Variants in WDR49 observed in about 807,000 individuals in gnomAD.
WDR49 encodes the protein WD repeat domain 49, also known as cilia- and flagella-associated protein 337.
WDR49 carries 107 observed loss-of-function variants against 119.5 expected under a neutral mutation model. That is an observed-to-expected ratio of 0.90 (90% CI 0.77 to 1.05). The LOEUF is 1.05. Among genes scored for constraint, WDR49 ranks in the 50% least tolerant of loss-of-function variants. The pLI, the probability that WDR49 is intolerant of heterozygous loss-of-function variation, is 0.00. For missense variants in WDR49, 1,240 were observed against 1,220.5 expected, an observed-to-expected ratio of 1.02 and a Z score of -0.24; for synonymous variants, 425 against 418.8, an observed-to-expected ratio of 1.01 and a Z score of -0.18.
At chr3:167,563,598 ATTTG>A (rs961089247) in intron 8 of WDR49, among the ~76,000 whole-genome samples, 10 of 151,854 alleles carry the variant, frequency 6.6e-5, no homozygotes, top group Non-Finnish European at 8.8e-5. Flanking sequence ...GGATTGATTG[ATTTG>A]TTTGTTTTTA....
chr3:167,583,015 G>C (rs1383242969), intron 7 of WDR49, among the ~76,000 whole-genome samples: 2 of 151,530 alleles, frequency 1.3e-5, no homozygotes, highest in Non-Finnish European at 1.5e-5. Context: ...GAGAGAGAGA[G>C]AGAAAAACAA....
At chr3:167,656,142 A>G (rs1425793143), upstream of WDR49, among the ~76,000 whole-genome samples, 1 of 151,180 alleles carries the variant, frequency 6.6e-6, no homozygotes, top group Non-Finnish European at 1.5e-5. Flanking sequence ...AGATGTGTAT[A>G]TATGTATTGA....
upstream of WDR49, among the ~76,000 whole-genome samples, chr3:167,655,684 G>C (rs1236421785): frequency 6.6e-6 from 1 of 152,146 alleles, no homozygotes; most frequent in Admixed American, 6.5e-5. Context: ...GATCACTTGA[G>C]GTCAGGAGTT....
intron 10 of WDR49, among the ~76,000 whole-genome samples, chr3:167,546,768 C>T (rs1322753224): frequency 6.6e-6 from 1 of 151,352 alleles, no homozygotes; most frequent in East Asian, 1.9e-4. Context: ...ACTTTTTAAC[C>T]CAAACTTATC....
chr3:167,627,898 C>CT (rs1409577771), intron 2 of WDR49, among the ~76,000 whole-genome samples: 1 of 152,082 alleles, frequency 6.6e-6, no homozygotes, highest in African/African-American at 2.4e-5. Flanking sequence ...CCTTGCAAGT[C>CT]TATCAGTGCC....
chr3:167,541,954 C>G (rs1021845736), intron 10 of WDR49, among the ~76,000 whole-genome samples: 3 of 151,494 alleles, frequency 2.0e-5, no homozygotes, highest in Admixed American at 6.6e-5. Context: ...AAAAGACAAA[C>G]AAGAGCTTGC....
chr3:167,609,554 A>G (rs1379357649), intron 5 of WDR49, among the ~76,000 whole-genome samples: 6 of 152,154 alleles, frequency 3.9e-5, no homozygotes, highest in African/African-American at 1.4e-4. Context: ...AGTAAACCTC[A>G]CCACTGAGGG....
At chr3:167,557,354 A>G (rs562949789) in intron 9 of WDR49, among the ~76,000 whole-genome samples, 17 of 152,274 alleles carry the variant, frequency 1.1e-4, no homozygotes, top group Admixed American at 1.0e-3. Flanking sequence ...AAAATGACAT[A>G]TTTTCAAGCA....
intron 10 of WDR49, among the ~76,000 whole-genome samples, chr3:167,544,047 C>T (rs1000471461): frequency 1.3e-5 from 2 of 149,736 alleles, no homozygotes; most frequent in Non-Finnish European, 3.0e-5. Context: ...AAGAACTCAA[C>T]CCCTTTTAAG....
intron 16 of WDR49, among the ~76,000 whole-genome samples, chr3:167,519,231 C>T (rs1325002420): frequency 1.3e-5 from 2 of 151,878 alleles, no homozygotes; most frequent in Non-Finnish European, 2.9e-5. Flanking sequence ...TCCTCAAAGA[C>T]CTAGAACCAG....
chr3:167,646,802 C>T (rs1362892182), intron 2 of WDR49, among the ~76,000 whole-genome samples: 1 of 152,000 alleles, frequency 6.6e-6, no homozygotes, highest in Non-Finnish European at 1.5e-5. Context: ...TCTGGTAATG[C>T]CTCCACAGAG....
At chr3:167,554,822 C>T (rs1553865503) in intron 9 of WDR49, 24 bp from the exon 10 acceptor site, 7 of 1,543,722 alleles carry the variant, frequency 4.5e-6, no homozygotes, top group Non-Finnish European at 5.3e-6. Flanking sequence ...ATTAAAACCA[C>T]TTTGAGACAG....
Position 167,531,119 on chromosome 3 carries a change from C to G in WDR49, c.2214G>C (p.Val738=), listed in dbSNP as rs188594602. Residue 738 remains valine, a synonymous_variant, in exon 13 of 19, where the codon GTG becomes GTC. Coordinates refer to ENST00000682715, the MANE Select transcript of WDR49 (RefSeq NM_001366157.1). The part of the protein sequence containing the change: ...CFLKARKNTA[V]TGGANLVSCG... ...AAATGTAAATATATATTTTACCTGT[C>G]ACTGCAGTGTTTTTTCTTGCTTTAA... is the stretch of plus-strand genomic sequence containing the variant. 1.9e-5 allele frequency: 30 copies of G among 1,609,948 alleles called. 1 individual carries two copies. Among genetic ancestry groups the G allele is most frequent in the Non-Finnish European group, 2.3e-5 (27 of 1,178,728 alleles).
At chr3:167,593,539 T>C (rs953461163) in intron 7 of WDR49, among the ~76,000 whole-genome samples, 5 of 152,068 alleles carry the variant, frequency 3.3e-5, no homozygotes, top group Non-Finnish European at 4.4e-5. Context: ...TTGAGTTTTC[T>C]CAACACAGCT....
chr3:167,633,268 T>C (rs986928694), intron 2 of WDR49: 1 of 354,944 alleles, frequency 2.8e-6, no homozygotes, highest in African/African-American at 2.1e-5. Flanking sequence ...AATCCTCTGC[T>C]TCTATGACTA....
At chr3:167,603,499 A>G (rs1301781418) in intron 6 of WDR49, among the ~76,000 whole-genome samples, 1 of 152,158 alleles carries the variant, frequency 6.6e-6, no homozygotes, top group Non-Finnish European at 1.5e-5. Flanking sequence ...TGGGAATTTT[A>G]TGGACACAGC....
At position 167,640,232 on chromosome 3, in the gene WDR49, T is replaced by C. The variant is rs147017531; in HGVS notation, c.166-12940A>G. On this transcript the variant is annotated intron_variant, in intron 2 of 18. Transcript: ENST00000682715. ...CCCTGTGACAGCAGAACTTCTGTGT[T>C]CTGGATACAACCTTCTCCCACCACC... Among the ~76,000 whole-genome samples the C allele has an allele frequency of 1.3e-4, 20 of 152,016 alleles. No homozygotes were observed. The East Asian group carries it at 3.1e-3, about 24-fold the overall frequency.
chr3:167,634,695 G>A (rs911792748), intron 2 of WDR49, among the ~76,000 whole-genome samples: 1 of 151,756 alleles, frequency 6.6e-6, no homozygotes, highest in African/African-American at 2.4e-5. Flanking sequence ...AAAAAACCTT[G>A]AAACTTGACA....
intron 2 of WDR49, among the ~76,000 whole-genome samples, chr3:167,631,514 T>C (rs568438144): frequency 2.0e-5 from 3 of 152,110 alleles, no homozygotes; most frequent in African/African-American, 4.8e-5. Flanking sequence ...TTTTAGGAAG[T>C]AGGCAAATTT....
Sources: gnomAD v4.1 joint callset for allele counts (sites outside exome capture counted in the v4.1 genomes callset) on GRCh38, gnomAD v4.1.1 for gene constraint, MANE v1.5 for transcripts, NCBI Gene and HGNC (gene_info 2026-07-23, HGNC 2026-07-21) for gene names.